The following PRDM16 variants were observed in gnomAD, a reference collection of about 807,000 sequenced individuals.
The protein encoded by PRDM16 is PR/SET domain 16.
Under a neutral mutation model 110.6 loss-of-function variants are expected in PRDM16, and 23 were observed. That is an observed-to-expected ratio of 0.21 (90% CI 0.15 to 0.29). The LOEUF is 0.29. PRDM16 is among the 10% of genes least tolerant of loss of function. The pLI is 1.00. For synonymous variants in PRDM16, 799 were observed against 781.8 expected (o/e 1.02, Z -0.37); for missense variants, 1,615 against 1,794.3 (o/e 0.90, Z 1.81).
In PRDM16 at chr1:3,148,138, C is replaced by T. The variant is rs990268263; in HGVS notation, c.38-37987C>T. Among the ~76,000 whole-genome samples, 11 of 151,990 alleles carry T rather than the reference C, an allele frequency of 7.2e-5. No homozygotes were observed. The highest frequency in any genetic ancestry group is 2.6e-4 in the Admixed American group (4 of 15,244). Reference sequence around the variant, plus strand: ...GGTGGGGTGTGGTTGGGCATCAGGACGGTTTTGTGGGAGGGGCTGGGCTGA... The same window carrying T: ...GGTGGGGTGTGGTTGGGCATCAGGATGGTTTTGTGGGAGGGGCTGGGCTGA... On this transcript the variant is annotated intron_variant, in intron 1 of 16. Coordinates refer to ENST00000270722, the MANE Select transcript of PRDM16 (RefSeq NM_022114.4). The surrounding 1 kb of genome is among the most constrained non-coding windows in gnomAD (Gnocchi z 5.0).
chr1:3,418,756 G>A lies in PRDM16; in HGVS notation c.2939+12G>A, dbSNP rs756332130. ...GAGCAGCCGTACAGGTAGGTGCTGC[G>A]TGGGCTGGGTGTGGGGGCGGGGCCG... On this transcript the variant is annotated intron_variant, in intron 12 of 16. Coordinates refer to ENST00000270722, the MANE Select transcript of PRDM16 (RefSeq NM_022114.4). 226 of 1,609,538 alleles carry A rather than the reference G, an allele frequency of 1.4e-4. No homozygotes were observed. The highest frequency in any genetic ancestry group is 2.0e-4 in the Admixed American group (12 of 59,992).
At chr1:3,299,046 C>T (rs546706324) in intron 3 of PRDM16, among the ~76,000 whole-genome samples, 12 of 152,336 alleles carry the variant, frequency 7.9e-5, no homozygotes, top group Admixed American at 1.3e-4. Flanking sequence ...ACCACCAAAA[C>T]GCACACAGCA....
chr1:3,313,960 G>A (rs1171356955), intron 3 of PRDM16, among the ~76,000 whole-genome samples: 1 of 151,646 alleles, frequency 6.6e-6, no homozygotes, highest in East Asian at 2.0e-4. Flanking sequence ...GTTGGTTGCA[G>A]AGTTTCATTC....
At chr1:3,385,020 G>A in intron 3 of PRDM16, 132 bp from the exon 4 acceptor site, 1 of 1,099,952 alleles carries the variant, frequency 9.1e-7, no homozygotes, top group Admixed American at 1.8e-5. Flanking sequence ...CCCGGAGGGT[G>A]GGCTGAGGTC....
rs1457699172 is a variant in PRDM16 at position 3,081,642 on chromosome 1, G to A, written c.37+12346G>A. Among the ~76,000 whole-genome samples the A allele has an allele frequency of 6.6e-6, 1 of 152,186 alleles. No individual in the cohort carries two copies. The highest frequency in any genetic ancestry group is 6.5e-5 in the Admixed American group (1 of 15,286). On this transcript the variant is annotated intron_variant, in intron 1 of 16. Coordinates refer to ENST00000270722, the MANE Select transcript of PRDM16 (RefSeq NM_022114.4). This position sits in a 1 kb window ranked among gnomAD's most constrained non-coding sequence, Gnocchi z 4.6. ...GGTGAGCAGTGGGCAGCTCCAGGAA[G>A]CCTTGCTGTGGACTGGGCAGGACAG...
At chr1:3,126,251 C>T (rs965062545) in intron 1 of PRDM16, among the ~76,000 whole-genome samples, 5 of 152,218 alleles carry the variant, frequency 3.3e-5, no homozygotes, top group East Asian at 1.9e-4. Context: ...CGCCGCCGCA[C>T]GCGGCCAGCC....
chr1:3,095,089 C>A (rs753332876), intron 1 of PRDM16, among the ~76,000 whole-genome samples: 1 of 152,212 alleles, frequency 6.6e-6, no homozygotes, highest in Middle Eastern at 3.2e-3. Flanking sequence ...GGGCACTGGC[C>A]CAGGCGAGCA....
At chr1:3,409,287 T>G (rs1273694426) in intron 8 of PRDM16, among the ~76,000 whole-genome samples, 1 of 151,742 alleles carries the variant, frequency 6.6e-6, no homozygotes, top group Admixed American at 6.6e-5. Context: ...CAGGGCTGAG[T>G]GCCTCCCCGA....
chr1:3,273,717 T>G (rs1181542090), intron 3 of PRDM16, among the ~76,000 whole-genome samples: 1 of 151,644 alleles, frequency 6.6e-6, no homozygotes, highest in East Asian at 1.9e-4. Context: ...TGGGTGAGCA[T>G]GTAAGCACAT....
At chr1:3,362,963 G>A (rs187339431) in intron 3 of PRDM16, among the ~76,000 whole-genome samples, 11 of 152,332 alleles carry the variant, frequency 7.2e-5, no homozygotes, top group Middle Eastern at 3.4e-3. Context: ...GGGATTTGAA[G>A]ACACCACAGC....
At chr1:3,278,729 C>T (rs1021914348) in intron 3 of PRDM16, among the ~76,000 whole-genome samples, 1 of 152,306 alleles carries the variant, frequency 6.6e-6, no homozygotes, top group Non-Finnish European at 1.5e-5. Context: ...ACTGGCCACC[C>T]GAGAACTTTT....
At chr1:3,380,040 C>G (rs547139122) in intron 3 of PRDM16, among the ~76,000 whole-genome samples, 2 of 147,002 alleles carry the variant, frequency 1.4e-5, no homozygotes, top group South Asian at 4.6e-4. Context: ...TGCACCCCTC[C>G]CAACACATTC....
chr1:3,344,922 G>C, intron 3 of PRDM16, among the ~76,000 whole-genome samples: 1 of 152,210 alleles, frequency 6.6e-6, no homozygotes, highest in East Asian at 1.9e-4. Flanking sequence ...TGTAGCTCTT[G>C]TTTTCTGTGG....
rs1485887974 is a variant in PRDM16, at chr1:3,435,093, C to G, written c.*1282C>G. The stretch of plus-strand genomic sequence containing the variant: ...GCAAGGAGCAGAGACAGCACAGCCC[C>G]CCGGGCCCAGCCGCCTCCCTCTCTT... On this transcript the variant is annotated 3_prime_UTR_variant, in exon 17 of 17. Transcript: ENST00000270722. 1 of 227,260 alleles carries G rather than the reference C, an allele frequency of 4.4e-6. No individual in the cohort carries two copies. The highest frequency in any genetic ancestry group is 6.3e-5 in the East Asian group (1 of 15,904). 14.1% of individuals were successfully genotyped at this position (227,260 alleles called of 1,614,324 possible).
At chr1:3,210,267 T>C (rs1638850377) in intron 2 of PRDM16, among the ~76,000 whole-genome samples, 1 of 152,182 alleles carries the variant, frequency 6.6e-6, no homozygotes, top group Non-Finnish European at 1.5e-5. Flanking sequence ...TGCACTAGGA[T>C]TCAACATGAA....
intron 3 of PRDM16, among the ~76,000 whole-genome samples, chr1:3,293,454 C>T (rs550584952): frequency 5.3e-5 from 8 of 152,246 alleles, no homozygotes; most frequent in East Asian, 1.9e-4. Flanking sequence ...GTCTGTGAAC[C>T]GGGACAAGGA....
intron 1 of PRDM16, among the ~76,000 whole-genome samples, chr1:3,111,562 G>A (rs1642795144): frequency 7.4e-6 from 1 of 135,332 alleles, no homozygotes. Flanking sequence ...AGGAAGAGAA[G>A]GAGGAGGAAG....
intron 3 of PRDM16, among the ~76,000 whole-genome samples, chr1:3,315,394 T>C (rs896683593): frequency 6.6e-6 from 1 of 152,076 alleles, no homozygotes; most frequent in Non-Finnish European, 1.5e-5. Flanking sequence ...TGAATTATTA[T>C]TGGGAGGGGT....
At chr1:3,374,565 A>G (rs1171374133) in intron 3 of PRDM16, among the ~76,000 whole-genome samples, 1 of 152,148 alleles carries the variant, frequency 6.6e-6, no homozygotes, top group Non-Finnish European at 1.5e-5. Context: ...AGGGCCCCTG[A>G]TGCTCAGCCA....
Sources: allele counts gnomAD v4.1 joint callset (sites outside exome capture counted in the v4.1 genomes callset), GRCh38; gene constraint gnomAD v4.1.1; non-coding constraint Gnocchi (gnomAD v3.1); transcripts MANE v1.5; gene names NCBI Gene and HGNC (gene_info 2026-07-23, HGNC 2026-07-21).